MYT1: variants seen among roughly 807,000 people sequenced by gnomAD.
The protein encoded by MYT1 is myelin transcription factor 1, also known as myelin transcription factor I.
MYT1 carries 23 observed loss-of-function variants against 123.0 expected under a neutral mutation model. That is an observed-to-expected ratio of 0.19 (90% CI 0.13 to 0.26). The LOEUF (loss-of-function observed/expected upper bound fraction) is 0.26, where lower values mean the gene tolerates loss of function less well. Ranked by LOEUF, MYT1 falls within the 10% of genes least tolerant of loss-of-function variation. The pLI, the probability that MYT1 is intolerant of heterozygous loss-of-function variation, is 1.00. For missense variants in MYT1, 1,125 were observed against 1,472.5 expected (o/e 0.76, Z 3.86); for synonymous variants, 518 against 575.3 (o/e 0.90, Z 1.43).
chr20:64,199,979 A>G (rs1031047794), intron 4 of MYT1, 57 bp downstream of exon 4: 2 of 1,594,898 alleles, frequency 1.3e-6, no homozygotes, highest in Admixed American at 1.7e-5. Context: ...GACCCTGGAG[A>G]TATCCTAAAT....
At chr20:64,201,480 T>C (rs895002316) in intron 4 of MYT1, among the ~76,000 whole-genome samples, 1 of 150,994 alleles carries the variant, frequency 6.6e-6, no homozygotes, top group Non-Finnish European at 1.5e-5. Context: ...TGCAATGTGA[T>C]GCTTAGAGTA....
chr20:64,213,634 G>A lies in MYT1; in HGVS notation c.1618G>A (p.Asp540Asn), dbSNP rs768799442. 5.0e-6 allele frequency: 8 copies of A among 1,613,844 alleles called. No individual in the cohort carries two copies. Among genetic ancestry groups the A allele is most frequent in the South Asian group, 1.1e-5 (1 of 91,062 alleles). ...GDPSKSSSNS[D>N]RILRPMCFVK... The stretch of plus-strand genomic sequence containing the variant: ...TCCTTCCAAGAGTAGCTCCAATTCC[G>A]ATCGGATCCTCAGGTGAGTGAGATG... The change falls in exon 10 of 23, where the codon GAT becomes AAT. Residue 540 changes from aspartate to asparagine, a missense_variant. By Grantham distance (23) the Asp-to-Asn change is conservative. Transcript: ENST00000328439. This position sits in a 1 kb window ranked among gnomAD's most constrained non-coding sequence, Gnocchi z 5.6.
chr20:64,231,053 G>A lies in MYT1; in HGVS notation c.2676-1111G>A, dbSNP rs533283769. 2.0e-4 allele frequency among the ~76,000 whole-genome samples: 28 copies of A among 138,312 alleles called. No individual in the cohort carries two copies. In the South Asian group the frequency reaches 6.5e-3, roughly 32 times the overall value. 90.7% of individuals were successfully genotyped at this position (138,312 alleles called of 152,430 possible). A position where few individuals can be genotyped will look rare whatever the true frequency, so the allele number is the denominator to read the frequency against. ...GCCTCTGCCCCCGCCCCCGCCCCCT[G>A]CTACCGTCCTCCCGAGCGCTTCCTG... On this transcript the variant is annotated intron_variant, in intron 18 of 22. Coordinates refer to ENST00000328439, the MANE Select transcript of MYT1 (RefSeq NM_004535.3). The surrounding 1 kb of genome is among the most constrained non-coding windows in gnomAD (Gnocchi z 6.4).
At chr20:64,217,490 G>T (rs529845949) in intron 11 of MYT1, among the ~76,000 whole-genome samples, 2 of 152,308 alleles carry the variant, frequency 1.3e-5, no homozygotes, top group African/African-American at 4.8e-5. Context: ...CACTCCTGCT[G>T]CCACCTTCAT....
chr20:64,211,093 C>G (rs1983653043), intron 7 of MYT1, 113 bp from the exon 8 acceptor site: 6 of 1,237,526 alleles, frequency 4.8e-6, no homozygotes, highest in Non-Finnish European at 6.7e-6. Flanking sequence ...CATGGGCAGT[C>G]TCGCCTCCCT....
In MYT1 at chr20:64,211,226, C is replaced by T. The variant is rs750742682; in HGVS notation, c.1312C>T (p.Arg438Cys). The T allele has an allele frequency of 9.3e-6, 15 of 1,613,576 alleles. No homozygotes were observed. The highest frequency in any genetic ancestry group is 2.2e-5 in the East Asian group (1 of 44,894). Residue 438 changes from arginine (R) to cysteine (C), a missense_variant, in exon 8 of 23, where the codon CGT becomes TGT. Arg to Cys is a radical substitution (Grantham distance 180). This residue lies in a region of MYT1 where 429 missense variants were observed against 604.1 expected (regional missense o/e 0.71). Coordinates refer to ENST00000328439, the MANE Select transcript of MYT1 (RefSeq NM_004535.3). ...TTTAGATCCTTCAAGAGCTGAGAAG[C>T]GTGAGATCAAGTGTCCAACACCAGG... ...YSKDPSRAEK[R>C]EIKCPTPGCD... is the part of the protein sequence containing the mutation.
chr20:64,213,716 C>A lies in MYT1; in HGVS notation c.1631+69C>A. 4 of 1,303,468 alleles carry A rather than the reference C, an allele frequency of 3.1e-6. No homozygotes were observed. Among genetic ancestry groups the A allele is most frequent in the Non-Finnish European group, 3.3e-6 (3 of 907,614 alleles). The allele number at this position is 1,303,468 out of a possible 1,614,324, so 80.7% of individuals were successfully genotyped here. A position where few individuals can be genotyped will look rare whatever the true frequency, so the allele number is the denominator to read the frequency against. On this transcript the variant is annotated intron_variant, in intron 10 of 22. Transcript: ENST00000328439. This position sits in a 1 kb window ranked among gnomAD's most constrained non-coding sequence, Gnocchi z 5.6. ...TGCCTGCAGAGGGCTTCTCAGTCTC[C>A]CGCAGGCTGTATGTGCATGTGTGTG...
rs1399200648 is a variant in MYT1 at position 64,223,010 on chromosome 20, G to A, written c.2397-101G>A. On this transcript the variant is annotated intron_variant, in intron 14 of 22. Transcript: ENST00000328439. ...GGAGGGGCCACCGCTTGGCTCGCGGGTGAGCCAGGAGTGGGCACCAGTCTC... is the reference window on the plus strand; with the variant it reads ...GGAGGGGCCACCGCTTGGCTCGCGGATGAGCCAGGAGTGGGCACCAGTCTC... 23 of 1,374,064 alleles carry A rather than the reference G, an allele frequency of 1.7e-5. 1 individual carries two copies. In the South Asian group the frequency reaches 1.9e-4, roughly 11 times the overall value. 85.1% of individuals were successfully genotyped at this position (1,374,064 alleles called of 1,614,324 possible).
chr20:64,195,067 T>C (rs1251313949), intron 2 of MYT1, among the ~76,000 whole-genome samples: 5 of 151,634 alleles, frequency 3.3e-5, no homozygotes, highest in Non-Finnish European at 5.9e-5. Context: ...GGCTAATTTT[T>C]GTATTTTTAG....
intron 7 of MYT1, among the ~76,000 whole-genome samples, chr20:64,210,541 C>T (rs142591551): frequency 6.6e-6 from 1 of 152,204 alleles, no homozygotes; most frequent in African/African-American, 2.4e-5. Context: ...CTCCTGGGAC[C>T]CTCCTGCTCT....
chr20:64,186,676 C>T lies in MYT1; in HGVS notation c.-98-3387C>T, dbSNP rs1982810728. 6.6e-6 allele frequency among the ~76,000 whole-genome samples: 1 copy of T among 152,288 alleles called. No homozygotes were observed. The highest frequency in any genetic ancestry group is 2.4e-5 in the African/African-American group (1 of 41,482). On this transcript the variant is annotated intron_variant, in intron 1 of 22. Coordinates refer to ENST00000328439, the MANE Select transcript of MYT1 (RefSeq NM_004535.3). This position sits in a 1 kb window ranked among gnomAD's most constrained non-coding sequence, Gnocchi z 4.3. ...TGTGAGCTTTGGGGACCCTTGTTCC[C>T]ACCACAGAGTGTCCATGGAGCAGCA...
At chr20:64,237,657 T>G in intron 21 of MYT1, among the ~76,000 whole-genome samples, 1 of 152,222 alleles carries the variant, frequency 6.6e-6, no homozygotes, top group East Asian at 1.9e-4. Context: ...AATAACACTA[T>G]TAATAATACT....
chr20:64,230,519 T>A (rs1489321093), intron 18 of MYT1, among the ~76,000 whole-genome samples: 1 of 152,092 alleles, frequency 6.6e-6, no homozygotes, highest in Non-Finnish European at 1.5e-5. Context: ...ATCTCAAAAA[T>A]ACTACTACTA....
At chr20:64,223,259 C>T (rs1224908998) in intron 15 of MYT1, 32 bp from the exon 16 acceptor site, 1 of 1,613,812 alleles carries the variant, frequency 6.2e-7, no homozygotes, top group East Asian at 2.2e-5. Flanking sequence ...CCCTCTTTGG[C>T]TTACCCCAAT....
chr20:64,170,441 G>C (rs531056456), intron 1 of MYT1, among the ~76,000 whole-genome samples: 1 of 152,254 alleles, frequency 6.6e-6, no homozygotes, highest in East Asian at 1.9e-4. Context: ...TGCAAGTCTG[G>C]ACCAGGGAAG....
rs1983689084 is a variant in MYT1, at chr20:64,212,185, TGGTGGGGGCC to T, written c.1517+48_1517+57del. The T allele has an allele frequency of 2.0e-5, 8 of 407,378 alleles. No homozygotes were observed. The highest frequency in any genetic ancestry group is 1.8e-4 in the African/African-American group (3 of 16,794). The allele number at this position is 407,378 out of a possible 1,614,324, so 25.2% of individuals were successfully genotyped here. On this transcript the variant is annotated intron_variant, in intron 9 of 22. Transcript: ENST00000328439. This position sits in a 1 kb window ranked among gnomAD's most constrained non-coding sequence, Gnocchi z 6.8. Reference sequence around the variant, plus strand: ...GTAGTGGGGGCCAGGGTGGGGGCCGTGGTGGGGGCCAGGGTGGGGGCCGTGGTGGGGGCCA... The same window carrying T: ...GTAGTGGGGGCCAGGGTGGGGGCCGTAGGGTGGGGGCCGTGGTGGGGGCCA...
At chr20:64,217,750 C>T (rs1983883667) in intron 11 of MYT1, among the ~76,000 whole-genome samples, 1 of 152,260 alleles carries the variant, frequency 6.6e-6, no homozygotes, top group Non-Finnish European at 1.5e-5. Context: ...GGGCTGGGCC[C>T]AGTGCCCTGG....
intron 1 of MYT1, among the ~76,000 whole-genome samples, chr20:64,180,772 T>C (rs1263056760): frequency 1.3e-5 from 2 of 150,810 alleles, no homozygotes; most frequent in African/African-American, 4.9e-5. Flanking sequence ...GCGTTATCTT[T>C]CTTTATCTTC....
chr20:64,172,494 T>A (rs1478310415), intron 1 of MYT1, among the ~76,000 whole-genome samples: 7 of 152,174 alleles, frequency 4.6e-5, no homozygotes, highest in African/African-American at 1.7e-4. Flanking sequence ...CTAGTGGAAT[T>A]TTGTCTTCAA....
Sources: gnomAD v4.1 joint callset for allele counts (sites outside exome capture counted in the v4.1 genomes callset) on GRCh38, gnomAD v4.1.1 for gene constraint, gnomAD v4.1.1 regional missense constraint, Gnocchi (gnomAD v3.1) non-coding constraint, MANE v1.5 for transcripts, NCBI Gene and HGNC (gene_info 2026-07-23, HGNC 2026-07-21) for gene names.